MAPK10: variants seen among roughly 807,000 people sequenced by gnomAD.
MAPK10 encodes JNK3 alpha protein kinase.
MAPK10 carries 25 observed loss-of-function variants against 59.3 expected under a neutral mutation model. That is an observed-to-expected ratio of 0.42 (90% confidence interval 0.31 to 0.59). MAPK10 has a LOEUF of 0.59. MAPK10 is among the 20% of genes least tolerant of loss of function. The probability of loss-of-function intolerance (pLI) is 0.15; values close to 1 mark genes in which losing one functional copy is unlikely to be tolerated. For synonymous variants in MAPK10, 190 were observed against 200.5 expected, an observed-to-expected ratio of 0.95 and a Z score of 0.44; for missense variants, 351 against 568.9, an observed-to-expected ratio of 0.62 and a Z score of 3.90.
chr4:86,028,213 T>A (rs1321956896), intron 13 of MAPK10: 2 of 152,094 alleles, frequency 1.3e-5, no homozygotes, highest in African/African-American at 4.8e-5. Context: ...TATGCGAGGG[T>A]GAATGAGTAG....
At chr4:86,477,028 T>C (rs533602691) in intron 1 of MAPK10, among the ~76,000 whole-genome samples, 1 of 152,250 alleles carries the variant, frequency 6.6e-6, no homozygotes, top group Non-Finnish European at 1.5e-5. Flanking sequence ...TCTGACTGAC[T>C]CCTTCCCAGA....
At chr4:86,071,351 A>T in intron 9 of MAPK10, among the ~76,000 whole-genome samples, 1 of 120,108 alleles carries the variant, frequency 8.3e-6, no homozygotes. Flanking sequence ...TTGCCTGTTC[A>T]CTCTGATGGT....
At chr4:86,389,018 C>T (rs76425441) in intron 1 of MAPK10, among the ~76,000 whole-genome samples, 26,800 of 152,132 alleles carry the variant, frequency 0.18, 2,459 homozygotes, top group East Asian at 0.25. Context: ...TGTGTCCCCA[C>T]GCAAATCTCA....
intron 1 of MAPK10, among the ~76,000 whole-genome samples, chr4:86,447,781 G>A (rs757416463): frequency 2.0e-5 from 3 of 152,000 alleles, no homozygotes; most frequent in Non-Finnish European, 4.4e-5. Flanking sequence ...CCTAAAATGT[G>A]TATCTTAAAA....
chr4:86,459,146 CA>C (rs1751502288), intron 1 of MAPK10, among the ~76,000 whole-genome samples: 1 of 152,262 alleles, frequency 6.6e-6, no homozygotes, highest in South Asian at 2.1e-4. Context: ...AAATGGACAA[CA>C]AACATATGAA....
At position 86,202,187 on chromosome 4, in the gene MAPK10, C is replaced by A. The variant is rs112031055; in HGVS notation, c.-6-7780G>T. 2.3e-4 allele frequency among the ~76,000 whole-genome samples: 35 copies of A among 151,762 alleles called. No individual in the cohort carries two copies. In the Middle Eastern group the frequency reaches 0.01, roughly 44 times the overall value. On this transcript the variant is annotated intron_variant, in intron 2 of 13. Transcript: ENST00000641462. ...TTTAAATGGTATTTTTATTTTATTT[C>A]TATTTTCAAACTGTTCATTTTCAGC...
intron 4 of MAPK10, among the ~76,000 whole-genome samples, chr4:86,157,862 G>T (rs2068304528): frequency 6.6e-6 from 1 of 151,892 alleles, no homozygotes; most frequent in Non-Finnish European, 1.5e-5. Flanking sequence ...TTCTTTCACT[G>T]ACAGTACTCA....
At chr4:86,287,244 T>G (rs187067004) in intron 2 of MAPK10, among the ~76,000 whole-genome samples, 3 of 152,348 alleles carry the variant, frequency 2.0e-5, no homozygotes, top group Admixed American at 6.5e-5. Flanking sequence ...TTAAATATGT[T>G]GTATCTGCTT....
At chr4:86,200,475 C>T (rs960865781) in intron 2 of MAPK10, among the ~76,000 whole-genome samples, 3 of 151,938 alleles carry the variant, frequency 2.0e-5, no homozygotes, top group Admixed American at 6.6e-5. Context: ...TATTCATCCA[C>T]GTTACTGTAT....
At chr4:86,045,078 G>A (rs1441971093) in intron 11 of MAPK10, among the ~76,000 whole-genome samples, 2 of 152,112 alleles carry the variant, frequency 1.3e-5, no homozygotes, top group Non-Finnish European at 2.9e-5. Flanking sequence ...TCTGAACTGA[G>A]TGTAATTAGA....
chr4:86,570,750 G>A (rs534096588), intron 1 of MAPK10, among the ~76,000 whole-genome samples: 2 of 152,208 alleles, frequency 1.3e-5, no homozygotes, highest in African/African-American at 4.8e-5. Flanking sequence ...TTAGTAGAAT[G>A]GTTTCAGGAA....
chr4:86,255,186 G>T (rs1447730631), intron 2 of MAPK10, among the ~76,000 whole-genome samples: 5 of 152,164 alleles, frequency 3.3e-5, no homozygotes, highest in Admixed American at 6.5e-5. Flanking sequence ...CCTCCTAGCT[G>T]AGTTTTGCCT....
chr4:86,593,131 G>A (rs1468468967), intron 1 of MAPK10, among the ~76,000 whole-genome samples: 1 of 152,164 alleles, frequency 6.6e-6, no homozygotes, highest in East Asian at 1.9e-4. Flanking sequence ...GCTCGCCAAA[G>A]ATAAATCATT....
intron 4 of MAPK10, among the ~76,000 whole-genome samples, chr4:86,111,746 A>G (rs970589765): frequency 6.6e-6 from 1 of 152,208 alleles, no homozygotes; most frequent in Non-Finnish European, 1.5e-5. Context: ...GCCTCATAAA[A>G]TGAGTTAGGA....
intron 1 of MAPK10, among the ~76,000 whole-genome samples, chr4:86,559,629 T>A (rs1170853971): frequency 6.6e-6 from 1 of 152,164 alleles, no homozygotes; most frequent in Non-Finnish European, 1.5e-5. Context: ...ATATTTTGTT[T>A]TAGTCTTAAT....
At chr4:86,271,004 T>C (rs1171311843) in intron 2 of MAPK10, among the ~76,000 whole-genome samples, 1 of 152,102 alleles carries the variant, frequency 6.6e-6, no homozygotes, top group Non-Finnish European at 1.5e-5. Context: ...TTTGTGGACA[T>C]ATACTTTCAT....
intron 2 of MAPK10, among the ~76,000 whole-genome samples, chr4:86,238,209 C>G (rs2148679464): frequency 6.6e-6 from 1 of 152,246 alleles, no homozygotes; most frequent in South Asian, 2.1e-4. Flanking sequence ...GTCTATATGT[C>G]TGTTTTTGTA....
intron 1 of MAPK10, among the ~76,000 whole-genome samples, chr4:86,365,968 G>A (rs1737816778): frequency 6.6e-6 from 1 of 152,154 alleles, no homozygotes; most frequent in South Asian, 2.1e-4. Context: ...TGGCATGTGT[G>A]TAGTCTGAGA....
chr4:86,479,900 T>C (rs1753449615), intron 1 of MAPK10, among the ~76,000 whole-genome samples: 2 of 152,208 alleles, frequency 1.3e-5, no homozygotes, highest in Middle Eastern at 3.4e-3. Flanking sequence ...TCCTTCAGCT[T>C]AATCTCTCCC....
Sources: gnomAD v4.1 joint callset for allele counts (sites outside exome capture counted in the v4.1 genomes callset) on GRCh38, gnomAD v4.1.1 for gene constraint, MANE v1.5 for transcripts, NCBI Gene and HGNC (gene_info 2026-07-23, HGNC 2026-07-21) for gene names.